CACNA1E: variants seen among roughly 807,000 people sequenced by gnomAD.
CACNA1E encodes the protein voltage-dependent R-type calcium channel subunit alpha-1E.
CACNA1E carries 40 observed loss-of-function variants against 259.2 expected under a neutral mutation model. The observed-to-expected ratio is 0.15, with a 90% confidence interval of 0.12 to 0.20. CACNA1E has a LOEUF of 0.20. CACNA1E is among the 10% of genes least tolerant of loss of function. The probability of loss-of-function intolerance (pLI) is 1.00; values close to 1 mark genes in which losing one functional copy is unlikely to be tolerated. For synonymous variants in CACNA1E, 1,104 were observed against 1,138.5 expected (o/e 0.97, Z 0.61); for missense variants, 1,874 against 3,040.1 (o/e 0.62, Z 9.02).
chr1:181,529,370 C>T (rs952121401), intron 3 of CACNA1E, among the ~76,000 whole-genome samples: 1 of 152,248 alleles, frequency 6.6e-6, no homozygotes, highest in Non-Finnish European at 1.5e-5. Context: ...CATGGAGAAC[C>T]TCTGCTAGGG....
chr1:181,695,163 T>C (rs1651572998), intron 7 of CACNA1E, among the ~76,000 whole-genome samples: 1 of 152,128 alleles, frequency 6.6e-6, no homozygotes, highest in Admixed American at 6.5e-5. Flanking sequence ...TATCTAGAAA[T>C]AAATCTGACA....
chr1:181,712,855 C>A (rs1218921413), intron 8 of CACNA1E, among the ~76,000 whole-genome samples: 1 of 152,080 alleles, frequency 6.6e-6, no homozygotes, highest in Non-Finnish European at 1.5e-5. Flanking sequence ...GCCCGCCCAG[C>A]CTTGGCCACC....
rs370984053 is a variant in CACNA1E at position 181,602,747 on chromosome 1, T to C, written c.951+21971T>C. 1.1e-4 allele frequency among the ~76,000 whole-genome samples: 17 copies of C among 152,302 alleles called. No homozygotes were observed. In the East Asian group the frequency reaches 2.9e-3, roughly 26 times the overall value. ...ATAGCATTGCCACACTAGAAGCCAG[T>C]TGGCCTTAGCAAGTTGAACCATTTG... On this transcript the variant is annotated intron_variant, in intron 6 of 47. Transcript: ENST00000367573.
chr1:181,751,562 C>T (rs1657600528), intron 26 of CACNA1E, among the ~76,000 whole-genome samples: 1 of 152,166 alleles, frequency 6.6e-6, no homozygotes, highest in African/African-American at 2.4e-5. Flanking sequence ...ATGTCTGCCA[C>T]CCTGCCTCAC....
chr1:181,702,587 A>G (rs963199143), intron 7 of CACNA1E, among the ~76,000 whole-genome samples: 1 of 152,126 alleles, frequency 6.6e-6, no homozygotes, highest in Admixed American at 6.5e-5. Flanking sequence ...ACTGCCTGCT[A>G]CCACTCTGAC....
At chr1:181,378,006 G>A (rs1005911879) in intron 1 of CACNA1E, among the ~76,000 whole-genome samples, 5 of 152,270 alleles carry the variant, frequency 3.3e-5, no homozygotes, top group Admixed American at 1.3e-4. Flanking sequence ...TTAGTTAATC[G>A]GAAATTATTT....
intron 2 of CACNA1E, among the ~76,000 whole-genome samples, chr1:181,465,222 G>A (rs757368533): frequency 3.2e-4 from 48 of 152,016 alleles, no homozygotes; most frequent in Non-Finnish European, 5.3e-4. Flanking sequence ...TAGGTAATCT[G>A]TCTTTCCTCT....
intron 1 of CACNA1E, among the ~76,000 whole-genome samples, chr1:181,355,433 C>CA (rs1335025734): frequency 6.6e-6 from 1 of 151,942 alleles, no homozygotes; most frequent in African/African-American, 2.4e-5. Flanking sequence ...ACTAAAAATA[C>CA]AAAAAATAGC....
chr1:181,721,150 T>C (rs375232036), intron 15 of CACNA1E, among the ~76,000 whole-genome samples: 2 of 152,196 alleles, frequency 1.3e-5, no homozygotes, highest in East Asian at 3.8e-4. Context: ...ATCACATCTA[T>C]GGTTTTCTGA....
chr1:181,648,317 C>G (rs1379616880), intron 6 of CACNA1E, among the ~76,000 whole-genome samples: 1 of 152,182 alleles, frequency 6.6e-6, no homozygotes, highest in African/African-American at 2.4e-5. Context: ...TAGGTTGAAG[C>G]AACACCAAAA....
Position 181,413,234 on chromosome 1 carries a change from TCCGC to T in CACNA1E, c.89_92del (p.Ser30TrpfsTer76). 6.5e-6 allele frequency: 1 copy of T among 152,822 alleles called. No individual in the cohort carries two copies. The highest frequency in any genetic ancestry group is 1.5e-5 in the Non-Finnish European group (1 of 68,208). 9.5% of individuals were successfully genotyped at this position (152,822 alleles called of 1,614,324 possible). On this transcript the variant is annotated frameshift_variant, in exon 2 of 12. Transcript: ENST00000524607. LOFTEE classifies it high-confidence loss of function. ...GGCTGCGGGGAGCCCTGAGCCCAGGTCCGCGGGCCGCCGCCAACGCCACGTCCTG... is the reference window on the plus strand; with the variant it reads ...GGCTGCGGGGAGCCCTGAGCCCAGGTGGGCCGCCGCCAACGCCACGTCCTG...
intron 2 of CACNA1E, among the ~76,000 whole-genome samples, chr1:181,478,282 C>T (rs1232606015): frequency 6.6e-6 from 1 of 152,190 alleles, no homozygotes. Flanking sequence ...TAGCTGATAG[C>T]ATGTTGGAGT....
At chr1:181,567,266 A>G (rs773649217) in intron 3 of CACNA1E, among the ~76,000 whole-genome samples, 5 of 152,156 alleles carry the variant, frequency 3.3e-5, no homozygotes, top group Non-Finnish European at 5.9e-5. Flanking sequence ...CCTCCTAGAA[A>G]TGGCACAGAT....
Position 181,494,228 on chromosome 1 carries a change from C to T in CACNA1E, c.266+10218C>T, listed in dbSNP as rs146823222. Among the ~76,000 whole-genome samples the T allele has an allele frequency of 7.2e-4, 109 of 151,942 alleles. 1 individual carries two copies. The highest frequency in any genetic ancestry group is 2.3e-3 in the African/African-American group (96 of 41,418). ...TAAAATCCCTGCAAGGGAGGGGGGACGTTATCTAATTACCAGATAATAAGG... is the reference window on the plus strand; with the variant it reads ...TAAAATCCCTGCAAGGGAGGGGGGATGTTATCTAATTACCAGATAATAAGG... On this transcript the variant is annotated intron_variant, in intron 1 of 47. Transcript: ENST00000367573.
chr1:181,731,381 T>C lies in CACNA1E; in HGVS notation c.2297+150T>C. On this transcript the variant is annotated intron_variant, in intron 19 of 47. Transcript: ENST00000367573. ...GTGTGTGTTCCGTTCACATGATCTG[T>C]GGATATGCCCTCTGCACCTCTCAAC... 3 of 685,838 alleles carry C rather than the reference T, an allele frequency of 4.4e-6. 1 individual carries two copies. The highest frequency in any genetic ancestry group is 1.6e-5 in the South Asian group (1 of 61,830). 42.5% of individuals were successfully genotyped at this position (685,838 alleles called of 1,614,324 possible).
At chr1:181,736,504 G>A in intron 22 of CACNA1E, 70 bp downstream of exon 22, 1 of 1,401,768 alleles carries the variant, frequency 7.1e-7, no homozygotes, top group Non-Finnish European at 9.8e-7. Flanking sequence ...AGGGCAGGGT[G>A]AAGGGGAGAG....
intron 2 of CACNA1E, among the ~76,000 whole-genome samples, chr1:181,447,755 A>G (rs6685804): frequency 0.43 from 65,121 of 152,000 alleles, 15,391 homozygotes; most frequent in African/African-American, 0.65. Context: ...GGGAGAACGT[A>G]TTTCCTGCTC....
intron 33 of CACNA1E, 68 bp from the exon 34 acceptor site, chr1:181,763,338 T>A (rs1380503105): frequency 8.0e-7 from 1 of 1,256,316 alleles, no homozygotes; most frequent in Admixed American, 2.1e-5. Context: ...AATACACAAA[T>A]ACTAGTGCTT....
At position 181,733,458 on chromosome 1, in the gene CACNA1E, C is replaced by T; in HGVS notation, c.2970C>T (p.Ser990=). The T allele has an allele frequency of 6.5e-7, 1 of 1,546,614 alleles. No individual in the cohort carries two copies. Among genetic ancestry groups the T allele is most frequent in the Non-Finnish European group, 8.7e-7 (1 of 1,145,504 alleles). Residue 990 remains serine, a synonymous_variant, in exon 21 of 48, where the codon TCC becomes TCT. Transcript: ENST00000367573. ...DLRRTNSLMV[S]RGSGLAGGLD... is the part of the protein sequence containing the mutation. ...ACAGGACCAACAGTCTGATGGTGTC[C>T]AGAGGCTCCGGGCTGGCAGGAGGCC... is the stretch of plus-strand genomic sequence containing the variant.
Sources: gnomAD v4.1 joint callset for allele counts (sites outside exome capture counted in the v4.1 genomes callset) on GRCh38, gnomAD v4.1.1 for gene constraint, MANE v1.5 for transcripts, NCBI Gene and HGNC (gene_info 2026-07-23, HGNC 2026-07-21) for gene names.